ADGRE5: variants seen among roughly 807,000 people sequenced by gnomAD.
ADGRE5 encodes the protein CD97 molecule.
ADGRE5 carries 72 observed loss-of-function variants against 100.3 expected under a neutral mutation model. The ratio of observed to expected loss-of-function variants is 0.72; its 90% CI spans 0.59 to 0.87. The LOEUF (loss-of-function observed/expected upper bound fraction) is 0.87. ADGRE5 is among the 40% of genes least tolerant of loss of function. The pLI is 0.00. For synonymous variants in ADGRE5, 439 were observed against 447.8 expected (o/e 0.98, Z 0.25); for missense variants, 959 against 1,094.7 (o/e 0.88, Z 1.75).
At chr19:14,404,179 A>G (rs889356874) in intron 12 of ADGRE5, among the ~76,000 whole-genome samples, 4 of 151,500 alleles carry the variant, frequency 2.6e-5, no homozygotes, top group African/African-American at 9.7e-5. Context: ...ATGCCTGGCC[A>G]CCTCTCCCAC....
intron 9 of ADGRE5, among the ~76,000 whole-genome samples, chr19:14,398,674 C>CA (rs71164256): frequency 0.4 from 21,375 of 52,790 alleles, 4,057 homozygotes; most frequent in East Asian, 0.46. Context: ...GACTCTGTCT[C>CA]AAAAAAAAAA....
At chr19:14,387,932 CG>C (rs906202060) in intron 1 of ADGRE5, among the ~76,000 whole-genome samples, 10 of 151,822 alleles carry the variant, frequency 6.6e-5, no homozygotes, top group African/African-American at 2.4e-4. Flanking sequence ...AAAAATTAGC[CG>C]GGTGTGGTGG....
chr19:14,398,390 C>G, intron 9 of ADGRE5: 1 of 489,472 alleles, frequency 2.0e-6, no homozygotes. Context: ...GGAGTTGAGG[C>G]CGGGCACGGT....
rs1026900432 is a variant in ADGRE5, at chr19:14,401,611, G to T, written c.1076-42G>T. On this transcript the variant is annotated intron_variant, in intron 10 of 19. Transcript: ENST00000242786. The surrounding 1 kb of genome is among the most constrained non-coding windows in gnomAD (Gnocchi z 4.1). The stretch of plus-strand genomic sequence containing the variant: ...CCTGCCCCAACCCTGGGCCCCACCT[G>T]GTACCTGGGGTCCCTAATCACAACT... 3 of 1,602,208 alleles carry T rather than the reference G, an allele frequency of 1.9e-6. No individual in the cohort carries two copies. Among genetic ancestry groups the T allele is most frequent in the African/African-American group, 2.7e-5 (2 of 74,570 alleles).
intron 1 of ADGRE5, among the ~76,000 whole-genome samples, chr19:14,385,403 C>G (rs975462373): frequency 8.6e-5 from 13 of 151,428 alleles, no homozygotes; most frequent in East Asian, 1.9e-4. Flanking sequence ...CTGTCTGTCT[C>G]TCTCTCTCTC....
At chr19:14,385,552 C>T (rs546664207) in intron 1 of ADGRE5, among the ~76,000 whole-genome samples, 1 of 152,262 alleles carries the variant, frequency 6.6e-6, no homozygotes, top group Non-Finnish European at 1.5e-5. Context: ...GAGGGGGAAC[C>T]CCCTGAGTGC....
rs764488218 is a variant in ADGRE5 at position 14,406,456 on chromosome 19, C to A, written c.1947C>A (p.Gly649=). The A allele has an allele frequency of 7.6e-6, 12 of 1,573,854 alleles. No homozygotes were observed. The highest frequency in any genetic ancestry group is 3.8e-5 in the Admixed American group (2 of 53,290). The change falls in exon 15 of 20, where the codon GGC becomes GGA. Residue 649 remains glycine, a synonymous_variant. Transcript: ENST00000242786. This position sits in a 1 kb window ranked among gnomAD's most constrained non-coding sequence, Gnocchi z 6.0. ...FLVVRVFQGQ[G]LSTRWLCLIG... Reference sequence around the variant, plus strand: ...TGGTGCGCGTGTTCCAAGGCCAGGGCCTGAGTACGCGCTGGCTCTGCCTGA... The same window carrying A: ...TGGTGCGCGTGTTCCAAGGCCAGGGACTGAGTACGCGCTGGCTCTGCCTGA...
chr19:14,390,982 G>T lies in ADGRE5; in HGVS notation c.249G>T (p.Trp83Cys). ...KVSCGKFSDC[W>C]NTEGSYDCVC... ...CATGCGGAAAATTCTCGGACTGCTGGAACACAGAGGGGAGCTACGACTGCG... is the reference window on the plus strand; with the variant it reads ...CATGCGGAAAATTCTCGGACTGCTGTAACACAGAGGGGAGCTACGACTGCG... Residue 83 changes from tryptophan to cysteine, a missense_variant, in exon 4 of 20, where the codon TGG becomes TGT. Transcript: ENST00000242786. The T allele has an allele frequency of 6.2e-7, 1 of 1,614,174 alleles. No homozygotes were observed. Among genetic ancestry groups the T allele is most frequent in the Non-Finnish European group, 8.5e-7 (1 of 1,180,036 alleles).
chr19:14,388,933 A>G (rs1395912369), intron 3 of ADGRE5, 115 bp downstream of exon 3: 2 of 1,003,228 alleles, frequency 2.0e-6, no homozygotes, highest in Admixed American at 1.9e-5. Context: ...GACTATCATC[A>G]TGGCCAGAGA....
In ADGRE5 at chr19:14,397,147, C is replaced by T. The variant is rs752471981; in HGVS notation, c.549C>T (p.Ser183=). 6 of 1,614,056 alleles carry T rather than the reference C, an allele frequency of 3.7e-6. No individual in the cohort carries two copies. The highest frequency in any genetic ancestry group is 4.5e-5 in the East Asian group (2 of 44,890). ...SSTHCLNNVG[S]YQCRCRPGWQ... is the part of the protein sequence containing the mutation. ...CCCACTGCCTCAACAACGTGGGCAGCTATCAGTGCCGCTGCCGCCCGGGCT... is the reference window on the plus strand; with the variant it reads ...CCCACTGCCTCAACAACGTGGGCAGTTATCAGTGCCGCTGCCGCCCGGGCT... Residue 183 remains serine, a synonymous_variant, in exon 6 of 20, where the codon AGC becomes AGT. Coordinates refer to ENST00000242786, the MANE Select transcript of ADGRE5 (RefSeq NM_078481.4).
chr19:14,384,409 T>C (rs1018885652), intron 1 of ADGRE5, among the ~76,000 whole-genome samples: 4 of 152,172 alleles, frequency 2.6e-5, no homozygotes, highest in Non-Finnish European at 4.4e-5. Flanking sequence ...CAGGGTTGAA[T>C]TGGGGCAAAT....
At chr19:14,383,955 C>T (rs1975246422) in intron 1 of ADGRE5, among the ~76,000 whole-genome samples, 1 of 152,130 alleles carries the variant, frequency 6.6e-6, no homozygotes, top group Non-Finnish European at 1.5e-5. Context: ...GTTTCTCTAT[C>T]TGTAGAATGG....
chr19:14,394,743 C>T (rs1475698541), intron 4 of ADGRE5, among the ~76,000 whole-genome samples: 1 of 152,120 alleles, frequency 6.6e-6, no homozygotes, highest in Admixed American at 6.6e-5. Context: ...GACACCCACA[C>T]CTACCATAAT....
intron 9 of ADGRE5, among the ~76,000 whole-genome samples, chr19:14,400,756 C>T (rs978312718): frequency 1.3e-5 from 2 of 152,244 alleles, no homozygotes; most frequent in African/African-American, 4.8e-5. Flanking sequence ...CGCGCCACTG[C>T]ACTCCAGCCT....
Position 14,393,772 on chromosome 19 carries a change from G to C in ADGRE5, c.347-2570G>C, listed in dbSNP as rs527553089. Among the ~76,000 whole-genome samples the C allele has an allele frequency of 2.6e-5, 4 of 152,300 alleles. No homozygotes were observed. The East Asian group carries it at 7.7e-4, about 29-fold the overall frequency. On this transcript the variant is annotated intron_variant, in intron 4 of 19. Coordinates refer to ENST00000242786, the MANE Select transcript of ADGRE5 (RefSeq NM_078481.4). ...TACACCTGCGTGGAGCCCAGAAGGA[G>C]GCTTCTGTCCGCCACACTGCTAGTC...
At chr19:14,392,095 C>T (rs1410908720) in intron 4 of ADGRE5, among the ~76,000 whole-genome samples, 2 of 117,590 alleles carry the variant, frequency 1.7e-5, no homozygotes, top group Non-Finnish European at 3.4e-5. Context: ...CAGAGTGAGA[C>T]TCTGTCTGAA....
chr19:14,389,874 G>A (rs1338401533), intron 3 of ADGRE5, among the ~76,000 whole-genome samples: 1 of 152,096 alleles, frequency 6.6e-6, no homozygotes, highest in East Asian at 1.9e-4. Context: ...TTCGAGACCA[G>A]CCTGACCAAC....
chr19:14,395,116 C>T (rs781050248), intron 4 of ADGRE5, among the ~76,000 whole-genome samples: 8 of 152,102 alleles, frequency 5.3e-5, no homozygotes, highest in Non-Finnish European at 1.2e-4. Context: ...GCCTGACCAA[C>T]ATGGTGCAAC....
Position 14,406,242 on chromosome 19 carries a change from A to G in ADGRE5, c.1822-89A>G. 9.5e-7 allele frequency: 1 copy of G among 1,057,994 alleles called. No individual in the cohort carries two copies. Among genetic ancestry groups the G allele is most frequent in the East Asian group, 2.6e-5 (1 of 38,376 alleles). The allele number at this position is 1,057,994 out of a possible 1,614,324, so 65.5% of individuals were successfully genotyped here. On this transcript the variant is annotated intron_variant, in intron 14 of 19. Coordinates refer to ENST00000242786, the MANE Select transcript of ADGRE5 (RefSeq NM_078481.4). This position sits in a 1 kb window ranked among gnomAD's most constrained non-coding sequence, Gnocchi z 6.0. ...CCACCCTCCGGCTGTGGTCCCGCCC[A>G]CTCTCGGGACCTGGCAGGCGACTGG... is the stretch of plus-strand genomic sequence containing the variant.
Sources: gnomAD v4.1 joint callset for allele counts (sites outside exome capture counted in the v4.1 genomes callset) on GRCh38, gnomAD v4.1.1 for gene constraint, Gnocchi (gnomAD v3.1) non-coding constraint, MANE v1.5 for transcripts, NCBI Gene and HGNC (gene_info 2026-07-23, HGNC 2026-07-21) for gene names.